Variants in PCDH15 observed in about 807,000 individuals in gnomAD.
PCDH15 encodes the protein protocadherin-15.
Under a neutral mutation model 178.5 loss-of-function variants are expected in PCDH15, and 129 were observed. The ratio of observed to expected loss-of-function variants is 0.72; its 90% confidence interval spans 0.63 to 0.84. PCDH15 has a LOEUF of 0.84. Among genes scored for constraint, PCDH15 ranks in the 40% least tolerant of loss-of-function variants. PCDH15 has a pLI of 0.00. For missense variants in PCDH15, 2,230 were observed against 2,099.9 expected (o/e 1.06, Z -1.21); for synonymous variants, 800 against 732.0 (o/e 1.09, Z -1.50).
intron 1 of PCDH15, among the ~76,000 whole-genome samples, chr10:54,800,719 A>G (rs917740904): frequency 1.3e-5 from 2 of 152,226 alleles, no homozygotes; most frequent in African/African-American, 4.8e-5. Flanking sequence ...GACAGTAATC[A>G]GGAAGAATGA....
At chr10:54,709,959 T>C (rs2095411800) in intron 1 of PCDH15, among the ~76,000 whole-genome samples, 1 of 149,724 alleles carries the variant, frequency 6.7e-6, no homozygotes, top group Admixed American at 6.7e-5. Context: ...ATATTACATA[T>C]TTATATGTAA....
chr10:54,190,511 C>T (rs1157275479), intron 11 of PCDH15, among the ~76,000 whole-genome samples: 1 of 152,190 alleles, frequency 6.6e-6, no homozygotes, highest in Admixed American at 6.5e-5. Context: ...TCAAGGGATC[C>T]TTCTGCCTCA....
chr10:53,827,428 A>G lies in PCDH15; in HGVS notation c.4332T>C (p.Gly1444=), dbSNP rs774607785. 2.0e-5 allele frequency: 33 copies of G among 1,613,004 alleles called. No homozygotes were observed. The highest frequency in any genetic ancestry group is 1.7e-5 in the Admixed American group (1 of 59,932). ...CTCCAAGTTCTTCATAGAGATGCGC[A>G]CCTGGCGGAGGCGGCGGCGGCGGCG... is the stretch of plus-strand genomic sequence containing the variant. ...APPPPPPPPP[G]AHLYEELGDS... The change falls in exon 32 of 38, where the codon GGT becomes GGC. Residue 1444 remains glycine (G), a synonymous_variant. Transcript: ENST00000644397.
intron 1 of PCDH15, among the ~76,000 whole-genome samples, chr10:54,665,081 T>C (rs1314355577): frequency 1.3e-5 from 2 of 151,792 alleles, no homozygotes; most frequent in Admixed American, 1.3e-4. Flanking sequence ...AGACTAGGGA[T>C]TGGAACACTG....
At chr10:54,742,760 TGG>T (rs1591393195) in intron 1 of PCDH15, among the ~76,000 whole-genome samples, 1 of 152,124 alleles carries the variant, frequency 6.6e-6, no homozygotes, top group East Asian at 1.9e-4. Context: ...CCTAATGTCA[TGG>T]TACACTAGCT....
chr10:55,553,803 T>C (rs1383574257), intron 2 of PCDH15, among the ~76,000 whole-genome samples: 1 of 151,946 alleles, frequency 6.6e-6, no homozygotes, highest in East Asian at 1.9e-4. Flanking sequence ...GTGATCAATA[T>C]ATATAAGTTC....
intron 1 of PCDH15, among the ~76,000 whole-genome samples, chr10:55,300,263 G>A (rs1303549550): frequency 6.6e-6 from 1 of 152,082 alleles, no homozygotes; most frequent in African/African-American, 2.4e-5. Flanking sequence ...TGCTCAAAAT[G>A]AGGTGCTTGT....
chr10:54,188,343 G>A (rs781595757), intron 11 of PCDH15, among the ~76,000 whole-genome samples: 5 of 151,886 alleles, frequency 3.3e-5, no homozygotes, highest in African/African-American at 4.8e-5. Flanking sequence ...AGACTAGGAT[G>A]TACATGGACA....
intron 18 of PCDH15, among the ~76,000 whole-genome samples, chr10:54,050,635 T>C (rs2093750739): frequency 6.6e-6 from 1 of 152,158 alleles, no homozygotes; most frequent in Non-Finnish European, 1.5e-5. Context: ...TTGTTTGTTT[T>C]TCCCTAGATC....
chr10:54,229,182 T>C (rs932386564), intron 9 of PCDH15, among the ~76,000 whole-genome samples: 7 of 152,166 alleles, frequency 4.6e-5, no homozygotes, highest in African/African-American at 1.7e-4. Context: ...TAATCAGTCA[T>C]GTTATTAGGT....
chr10:53,905,225 G>A (rs370401349), intron 25 of PCDH15: 21 of 518,656 alleles, frequency 4.0e-5, no homozygotes, highest in South Asian at 2.0e-4. Flanking sequence ...CTCCCCTGTC[G>A]TGTCTTTCTA....
chr10:54,392,667 G>T (rs1009514487), intron 3 of PCDH15, among the ~76,000 whole-genome samples: 2 of 151,754 alleles, frequency 1.3e-5, no homozygotes, highest in Non-Finnish European at 2.9e-5. Flanking sequence ...GGGAGGCTGA[G>T]GTGGGAGGAT....
intron 3 of PCDH15, among the ~76,000 whole-genome samples, chr10:54,441,037 T>G (rs957556126): frequency 1.3e-5 from 2 of 151,854 alleles, no homozygotes; most frequent in African/African-American, 4.8e-5. Flanking sequence ...AGTGTTTGAG[T>G]CTTCCTGAAA....
chr10:54,084,635 A>T (rs16913805), intron 16 of PCDH15, among the ~76,000 whole-genome samples: 2 of 151,970 alleles, frequency 1.3e-5, no homozygotes, highest in Admixed American at 6.6e-5. Flanking sequence ...AGAAAGTAGC[A>T]GAGGATATCT....
chr10:54,304,433 T>C (rs1478013618), intron 8 of PCDH15, among the ~76,000 whole-genome samples: 1 of 152,104 alleles, frequency 6.6e-6, no homozygotes, highest in Non-Finnish European at 1.5e-5. Flanking sequence ...GATGAGAGTA[T>C]ACCAATGATT....
chr10:53,975,100 A>C lies in PCDH15; in HGVS notation c.2869-13208T>G, dbSNP rs115713370. ...TTTCCAGCTGCATCAATATTGCTGC[A>C]AAGGGCGTGCTTTCATTCTTTTTTA... On this transcript the variant is annotated intron_variant, in intron 21 of 37. Transcript: ENST00000644397. Among the ~76,000 whole-genome samples, 385 of 152,324 alleles carry C rather than the reference A, an allele frequency of 2.5e-3. 3 individuals are homozygous for C. Among genetic ancestry groups the C allele is most frequent in the African/African-American group, 8.7e-3 (360 of 41,580 alleles).
intron 18 of PCDH15, among the ~76,000 whole-genome samples, chr10:54,039,582 A>G (rs1475945773): frequency 6.6e-6 from 1 of 152,020 alleles, no homozygotes; most frequent in African/African-American, 2.4e-5. Context: ...AAGTCATACC[A>G]TGAAGTCATG....
chr10:54,007,924 A>T (rs1016081207), intron 20 of PCDH15, among the ~76,000 whole-genome samples: 4 of 152,210 alleles, frequency 2.6e-5, no homozygotes, highest in Admixed American at 1.3e-4. Flanking sequence ...AATTAGACCA[A>T]GTATAGACAA....
At chr10:54,261,514 T>C (rs2057314171) in intron 8 of PCDH15, among the ~76,000 whole-genome samples, 1 of 152,020 alleles carries the variant, frequency 6.6e-6, no homozygotes. Context: ...AATGTTTAGG[T>C]TCATTAGAAT....
Sources: gnomAD v4.1 joint callset for allele counts (sites outside exome capture counted in the v4.1 genomes callset) on GRCh38, gnomAD v4.1.1 for gene constraint, MANE v1.5 for transcripts, NCBI Gene and HGNC (gene_info 2026-07-23, HGNC 2026-07-21) for gene names.